LAMA2: variants seen among roughly 807,000 people sequenced by gnomAD.
LAMA2 encodes the protein laminin subunit alpha-2.
Under a neutral mutation model 364.8 loss-of-function variants are expected in LAMA2, and 269 were observed. The observed-to-expected ratio is 0.74, with a 90% CI of 0.67 to 0.82. LAMA2 has a LOEUF of 0.82. LAMA2 is among the 40% of genes least tolerant of loss of function. The probability of loss-of-function intolerance (pLI) is 0.00; values close to 1 mark genes in which losing one functional copy is unlikely to be tolerated. For synonymous variants in LAMA2, 1,379 were observed against 1,370.6 expected, an observed-to-expected ratio of 1.01 and a Z score of -0.14; for missense variants, 3,807 against 3,873.2, an observed-to-expected ratio of 0.98 and a Z score of 0.45.
At position 129,315,983 on chromosome 6, in the gene LAMA2, C is replaced by T. The variant is rs2451687; in HGVS notation, c.3924+33C>T. 5.9e-4 allele frequency: 958 copies of T among 1,613,328 alleles called. 1 individual carries two copies. The African/African-American group carries it at 0.011, about 18-fold the overall frequency. ...TAGTCATTGTTTGGTGCAAAGATACCAATCAATGGTTTTGCATTCAGTTTT... is the reference window on the plus strand; with the variant it reads ...TAGTCATTGTTTGGTGCAAAGATACTAATCAATGGTTTTGCATTCAGTTTT... On this transcript the variant is annotated intron_variant, in intron 26 of 64. Transcript: ENST00000421865.
At chr6:129,236,887 A>T (rs1785033452) in intron 12 of LAMA2, among the ~76,000 whole-genome samples, 1 of 152,198 alleles carries the variant, frequency 6.6e-6, no homozygotes, top group African/African-American at 2.4e-5. Context: ...TTATATGTGT[A>T]AGTATATGTA....
intron 12 of LAMA2, among the ~76,000 whole-genome samples, chr6:129,195,924 T>A (rs752438962): frequency 3.9e-5 from 6 of 152,204 alleles, no homozygotes; most frequent in Non-Finnish European, 7.4e-5. Context: ...GCCCTAGTGG[T>A]CTGAAATAGT....
rs2114587918 is a variant in LAMA2, at chr6:129,350,847, A to C, written c.4523+1463A>C. Among the ~76,000 whole-genome samples the C allele has an allele frequency of 2.0e-5, 3 of 152,332 alleles. No individual in the cohort carries two copies. The South Asian group carries it at 6.2e-4, about 32-fold the overall frequency. ...AATGCAATTTTTATACATTTGTAAA[A>C]TATATTTCTAAATAAATCCGTATGT... On this transcript the variant is annotated intron_variant, in intron 31 of 64. Transcript: ENST00000421865.
chr6:129,191,973 A>C (rs1380480661), intron 11 of LAMA2, among the ~76,000 whole-genome samples: 1 of 152,236 alleles, frequency 6.6e-6, no homozygotes, highest in Non-Finnish European at 1.5e-5. Context: ...ATCATTATGC[A>C]TTCCCAGATT....
intron 48 of LAMA2, among the ~76,000 whole-genome samples, chr6:129,459,856 C>G (rs187073154): frequency 6.6e-6 from 1 of 152,000 alleles, no homozygotes; most frequent in African/African-American, 2.4e-5. Flanking sequence ...CACAAAAATT[C>G]CACATTACAG....
At chr6:129,014,377 T>G (rs1784953520) in intron 1 of LAMA2, among the ~76,000 whole-genome samples, 1 of 152,176 alleles carries the variant, frequency 6.6e-6, no homozygotes, top group African/African-American at 2.4e-5. Flanking sequence ...CAGGTCTAAT[T>G]TTAAGTTCCA....
chr6:129,309,804 A>G (rs1456942743), intron 22 of LAMA2, among the ~76,000 whole-genome samples: 1 of 152,220 alleles, frequency 6.6e-6, no homozygotes, highest in African/African-American at 2.4e-5. Flanking sequence ...AATATCTTCT[A>G]GAAGCCGCCC....
At chr6:129,431,502 C>T (rs78965812) in intron 41 of LAMA2, among the ~76,000 whole-genome samples, 7 of 151,688 alleles carry the variant, frequency 4.6e-5, no homozygotes, top group Non-Finnish European at 8.8e-5. Flanking sequence ...TTAAAGGAGG[C>T]GGTTTGTCTC....
chr6:129,225,342 G>A (rs1784177648), intron 12 of LAMA2, among the ~76,000 whole-genome samples: 1 of 152,066 alleles, frequency 6.6e-6, no homozygotes, highest in Non-Finnish European at 1.5e-5. Context: ...CTTCAGTTCT[G>A]CTCTGATCTT....
intron 3 of LAMA2, among the ~76,000 whole-genome samples, chr6:129,078,404 G>C (rs910924620): frequency 6.6e-6 from 1 of 151,994 alleles, no homozygotes; most frequent in Non-Finnish European, 1.5e-5. Context: ...CAAAGTGCTA[G>C]GATTACAGGT....
At chr6:129,444,590 C>T (rs1011679234) in intron 44 of LAMA2, among the ~76,000 whole-genome samples, 7 of 152,020 alleles carry the variant, frequency 4.6e-5, no homozygotes, top group Non-Finnish European at 5.9e-5. Flanking sequence ...TTTTAAATGC[C>T]GCTAACAGCA....
At chr6:129,251,761 C>T (rs1013030716) in intron 13 of LAMA2, among the ~76,000 whole-genome samples, 1 of 152,002 alleles carries the variant, frequency 6.6e-6, no homozygotes, top group East Asian at 1.9e-4. Context: ...GGCAAAACCC[C>T]CGCCTCTTCT....
At chr6:129,209,009 C>A (rs1782908649) in intron 12 of LAMA2, among the ~76,000 whole-genome samples, 1 of 151,890 alleles carries the variant, frequency 6.6e-6, no homozygotes, top group Non-Finnish European at 1.5e-5. Context: ...GGAAATAAGT[C>A]ATTTATAATG....
chr6:128,988,019 C>G (rs948810446), intron 1 of LAMA2, among the ~76,000 whole-genome samples: 1 of 152,114 alleles, frequency 6.6e-6, no homozygotes, highest in Non-Finnish European at 1.5e-5. Flanking sequence ...CATCCGGCAC[C>G]AGGCCCAGCT....
At position 129,176,321 on chromosome 6, in the gene LAMA2, G is replaced by A. The variant is rs552452912; in HGVS notation, c.1307-1385G>A. On this transcript the variant is annotated intron_variant, in intron 9 of 64. Coordinates refer to ENST00000421865, the MANE Select transcript of LAMA2 (RefSeq NM_000426.4). ...TGTGGCATTTGATACACATCTAAAA[G>A]TAGTAATTTATGTTAAGAAAATAAG... Among the ~76,000 whole-genome samples, 15 of 152,004 alleles carry A rather than the reference G, an allele frequency of 9.9e-5. No homozygotes were observed. The South Asian group carries it at 3.1e-3, about 32-fold the overall frequency.
chr6:128,907,399 T>A (rs1428171171), intron 1 of LAMA2, among the ~76,000 whole-genome samples: 1 of 151,774 alleles, frequency 6.6e-6, no homozygotes, highest in Non-Finnish European at 1.5e-5. Flanking sequence ...TTTGAAGCAA[T>A]TGTGAATGGG....
chr6:128,998,448 C>T lies in LAMA2; in HGVS notation c.113-51470C>T, dbSNP rs562614069. ...GCTCTACAGCTCCCAGTGTGAGCGA[C>T]GCAGAAGACGGTGATTTCTGCATTT... On this transcript the variant is annotated intron_variant, in intron 1 of 64. Transcript: ENST00000421865. Among the ~76,000 whole-genome samples, 8 of 127,332 alleles carry T rather than the reference C, an allele frequency of 6.3e-5. 3 individuals are homozygous for T. Among genetic ancestry groups the T allele is most frequent in the East Asian group, 1.9e-4 (1 of 5,138 alleles). The allele number at this position is 127,332 out of a possible 152,430, so 83.5% of individuals were successfully genotyped here.
At chr6:129,315,339 G>A (rs963346668) in intron 24 of LAMA2, 137 bp from the exon 25 acceptor site, 25 of 731,806 alleles carry the variant, frequency 3.4e-5, no homozygotes, top group Middle Eastern at 3.5e-4. Context: ...TGCCCACTGC[G>A]TGTGAGTTCT....
At chr6:129,145,596 T>C (rs927838754) in intron 5 of LAMA2, among the ~76,000 whole-genome samples, 2 of 151,924 alleles carry the variant, frequency 1.3e-5, no homozygotes, top group Non-Finnish European at 2.9e-5. Context: ...TGAAAATAAA[T>C]TAGTGTTCTT....
Sources: allele counts gnomAD v4.1 joint callset (sites outside exome capture counted in the v4.1 genomes callset), GRCh38; gene constraint gnomAD v4.1.1; transcripts MANE v1.5; gene names NCBI Gene and HGNC (gene_info 2026-07-23, HGNC 2026-07-21).